The following C16orf89 variants were observed in gnomAD, a reference collection of about 807,000 sequenced individuals.
C16orf89 encodes chromosome 16 open reading frame 89, also known as UPF0764 protein C16orf89.
C16orf89 carries 57 observed loss-of-function variants against 41.5 expected under a neutral mutation model. That is an observed-to-expected ratio of 1.38 (90% CI 1.11 to 1.71). C16orf89 has a LOEUF of 1.71. Among genes scored for constraint, C16orf89 ranks in the 40% most tolerant of loss-of-function variants. The pLI is 0.00. For synonymous variants in C16orf89, 223 were observed against 190.6 expected (o/e 1.17, Z -1.40); for missense variants, 575 against 445.9 (o/e 1.29, Z -2.61).
At chr16:5,060,891 G>A (rs948124014) in intron 2 of C16orf89, among the ~76,000 whole-genome samples, 20 of 149,792 alleles carry the variant, frequency 1.3e-4, no homozygotes, top group Non-Finnish European at 2.7e-4. Flanking sequence ...CCCAGCTGAG[G>A]CAGGAAGGTT....
intron 3 of C16orf89, among the ~76,000 whole-genome samples, chr16:5,059,960 G>C (rs1229085009): frequency 6.6e-6 from 1 of 152,008 alleles, no homozygotes; most frequent in Non-Finnish European, 1.5e-5. Context: ...AGGAAGCCTT[G>C]GAGAGTCTGA....
At chr16:5,064,882 GATA>G (rs1319238043) in intron 1 of C16orf89, among the ~76,000 whole-genome samples, 1 of 152,200 alleles carries the variant, frequency 6.6e-6, no homozygotes, top group African/African-American at 2.4e-5. Flanking sequence ...GCTAAAAGAG[GATA>G]ATAATAATGG....
At position 5,058,550 on chromosome 16, in the gene C16orf89, G is replaced by A. The variant is rs371243021; in HGVS notation, c.570C>T (p.Pro190=). Residue 190 remains proline, a synonymous_variant, in exon 4 of 8, where the codon CCC becomes CCT. Transcript: ENST00000472572. Reference sequence around the variant, plus strand: ...GGGACAGGCAGTAGCCTGAGCAGCCGGGCTTGGTCATGAGGCTCCTGCAGA... The same window carrying A: ...GGGACAGGCAGTAGCCTGAGCAGCCAGGCTTGGTCATGAGGCTCCTGCAGA... The part of the protein sequence containing the change: ...SDLCRSLMTK[P]GCSGYCLSHQ... The A allele has an allele frequency of 9.4e-5, 152 of 1,612,802 alleles. No individual in the cohort carries two copies. The African/African-American group carries it at 1.5e-3, about 16-fold the overall frequency.
intron 4 of C16orf89, 58 bp from the exon 5 acceptor site, chr16:5,056,246 C>CCCTG: frequency 1.3e-6 from 2 of 1,497,048 alleles, no homozygotes; most frequent in Non-Finnish European, 1.8e-6. Context: ...CAGACACACG[C>CCCTG]CCTGCTATGG....
Position 5,060,353 on chromosome 16 carries a change from A to T in C16orf89, c.442T>A (p.Phe148Ile). The change falls in exon 3 of 8, where the codon TTC (phenylalanine) becomes ATC (isoleucine). Residue 148 changes from phenylalanine to isoleucine, a missense_variant. Transcript: ENST00000472572. ...TCTGAGAATGAGTCCTGGGGCCCGA[A>T]CGTGGGGTACACCAAGGAGGCATCA... The part of the protein sequence containing the change: ...HTDASLVYPT[F>I]GPQDSFSEER... 6.2e-7 allele frequency: 1 copy of T among 1,613,684 alleles called. No individual in the cohort carries two copies. The highest frequency in any genetic ancestry group is 8.5e-7 in the Non-Finnish European group (1 of 1,179,878).
At chr16:5,064,293 C>T (rs532739647) in intron 1 of C16orf89, among the ~76,000 whole-genome samples, 11 of 152,300 alleles carry the variant, frequency 7.2e-5, no homozygotes, top group South Asian at 2.1e-4. Context: ...TGCAATGGGA[C>T]GTAGACCCTG....
At chr16:5,060,484 G>T in intron 2 of C16orf89, 48 bp from the exon 3 acceptor site, 1 of 1,560,714 alleles carries the variant, frequency 6.4e-7, no homozygotes, top group Non-Finnish European at 8.7e-7. Flanking sequence ...GGTGACCCAG[G>T]AGCAGTGGGC....
chr16:5,065,257 C>A (rs1008021430), intron 1 of C16orf89, among the ~76,000 whole-genome samples: 1 of 152,148 alleles, frequency 6.6e-6, no homozygotes, highest in African/African-American at 2.4e-5. Context: ...TTTTGCAGAA[C>A]CTTCAGGAGA....
chr16:5,059,334 C>T (rs1199345890), intron 3 of C16orf89, among the ~76,000 whole-genome samples: 5 of 151,708 alleles, frequency 3.3e-5, no homozygotes, highest in South Asian at 2.1e-4. Flanking sequence ...GGCATGGTGG[C>T]GCACATCTGT....
intron 1 of C16orf89, among the ~76,000 whole-genome samples, chr16:5,064,737 G>T (rs900558972): frequency 3.9e-5 from 6 of 152,212 alleles, no homozygotes; most frequent in Non-Finnish European, 8.8e-5. Flanking sequence ...GTGGATGTGG[G>T]ATGTGGCGTG....
downstream of C16orf89, chr16:5,043,941 C>A (rs554526112): frequency 8.2e-5 from 15 of 182,336 alleles, no homozygotes; most frequent in Middle Eastern, 2.8e-3. Context: ...ATTGCTTGAG[C>A]CCAGGAGTTT....
chr16:5,057,842 T>G (rs1210057320), intron 4 of C16orf89, among the ~76,000 whole-genome samples: 1 of 151,984 alleles, frequency 6.6e-6, no homozygotes, highest in Non-Finnish European at 1.5e-5. Flanking sequence ...TTCATTTGTT[T>G]TTGTTTACAG....
chr16:5,059,905 G>GGGGTGGAGT (rs1284473015), intron 3 of C16orf89, among the ~76,000 whole-genome samples: 2 of 152,074 alleles, frequency 1.3e-5, no homozygotes, highest in Non-Finnish European at 2.9e-5. Flanking sequence ...TGAGGCCCAG[G>GGGGTGGAGT]GGGTGGAGTG....
At chr16:5,055,549 C>T in intron 5 of C16orf89, 199 bp from the exon 6 acceptor site, 1 of 1,042,324 alleles carries the variant, frequency 9.6e-7, no homozygotes, top group Non-Finnish European at 1.4e-6. Flanking sequence ...TGTCCCGCCT[C>T]CCACTGAGGG....
chr16:5,049,894 G>C (rs1956365751), intron 6 of C16orf89, among the ~76,000 whole-genome samples: 1 of 151,702 alleles, frequency 6.6e-6, no homozygotes, highest in African/African-American at 2.4e-5. Flanking sequence ...CAATAGGAAA[G>C]ATCAATGAAA....
At chr16:5,044,640 G>A (rs775119793) in intron 7 of C16orf89, 162 bp from the exon 8 acceptor site, 4 of 1,362,028 alleles carry the variant, frequency 2.9e-6, no homozygotes, top group Non-Finnish European at 3.0e-6. Flanking sequence ...TCAGGAGTTC[G>A]AGACCAGCAT....
intron 7 of C16orf89, 125 bp downstream of exon 7, chr16:5,047,753 T>C: frequency 1.5e-6 from 1 of 686,154 alleles, no homozygotes; most frequent in South Asian, 1.6e-5. Flanking sequence ...ATGAAGGCCC[T>C]CTGATTAGTG....
chr16:5,050,578 AT>A (rs1956377811), intron 6 of C16orf89, among the ~76,000 whole-genome samples: 1 of 152,162 alleles, frequency 6.6e-6, no homozygotes, highest in South Asian at 2.1e-4. Context: ...ACAAATACCA[AT>A]TCTTTTCAGT....
intron 7 of C16orf89, chr16:5,044,727 C>G (rs1310008390): frequency 9.9e-7 from 1 of 1,007,122 alleles, no homozygotes; most frequent in Non-Finnish European, 1.4e-6. Context: ...TCCTGTAGTC[C>G]CAGCTACTCG....
Sources: gnomAD v4.1 joint callset for allele counts (sites outside exome capture counted in the v4.1 genomes callset) on GRCh38, gnomAD v4.1.1 for gene constraint, MANE v1.5 for transcripts, NCBI Gene and HGNC (gene_info 2026-07-23, HGNC 2026-07-21) for gene names.